Variants in ADGRG6 observed in about 807,000 individuals in gnomAD.
The protein encoded by ADGRG6 is G-protein coupled receptor 126.
ADGRG6 carries 84 observed loss-of-function variants against 142.4 expected under a neutral mutation model. The observed-to-expected ratio is 0.59, with a 90% CI of 0.49 to 0.71. The LOEUF is 0.71. Among genes scored for constraint, ADGRG6 ranks in the 30% least tolerant of loss-of-function variants. The probability of loss-of-function intolerance (pLI) is 0.00; values close to 1 mark genes in which losing one functional copy is unlikely to be tolerated. For synonymous variants in ADGRG6, 521 were observed against 520.5 expected (o/e 1.00, Z -0.01); for missense variants, 1,367 against 1,466.6 (o/e 0.93, Z 1.11).
chr6:142,318,049 A>ATATATATTTATATAT (rs1778237721), intron 2 of ADGRG6, among the ~76,000 whole-genome samples: 1 of 19,022 alleles, frequency 5.3e-5, no homozygotes, highest in South Asian at 1.7e-3. Context: ...TATTTATGTT[A>ATATATATTTATATAT]TATATATTTA....
At chr6:142,375,800 T>C (rs1781470689) in intron 4 of ADGRG6, among the ~76,000 whole-genome samples, 1 of 152,160 alleles carries the variant, frequency 6.6e-6, no homozygotes. Flanking sequence ...TAAATTTTAG[T>C]ACGAAAGTAA....
intron 7 of ADGRG6, among the ~76,000 whole-genome samples, chr6:142,391,648 C>T (rs1255491075): frequency 6.6e-6 from 1 of 151,668 alleles, no homozygotes; most frequent in Non-Finnish European, 1.5e-5. Flanking sequence ...AAAAATACTA[C>T]GTTTGATTTT....
At chr6:142,343,562 T>G (rs1779760410) in intron 2 of ADGRG6, among the ~76,000 whole-genome samples, 1 of 151,776 alleles carries the variant, frequency 6.6e-6, no homozygotes, top group African/African-American at 2.4e-5. Flanking sequence ...TACATTCAGG[T>G]TTTTCTTGAG....
At chr6:142,418,830 A>G (rs1019827921) in intron 21 of ADGRG6, among the ~76,000 whole-genome samples, 35 of 152,166 alleles carry the variant, frequency 2.3e-4, no homozygotes, top group African/African-American at 8.2e-4. Context: ...TAAATCATTT[A>G]TTCAATTTTT....
intron 2 of ADGRG6, among the ~76,000 whole-genome samples, chr6:142,332,492 C>CTTTTT (rs11314004): frequency 7.1e-6 from 1 of 141,706 alleles, no homozygotes; most frequent in African/African-American, 2.6e-5. Context: ...ATGTTTTTTG[C>CTTTTT]TTTTTTTTTT....
At chr6:142,317,090 C>G (rs895963793) in intron 2 of ADGRG6, among the ~76,000 whole-genome samples, 3 of 152,066 alleles carry the variant, frequency 2.0e-5, no homozygotes, top group African/African-American at 7.2e-5. Flanking sequence ...TGTGGTTTTT[C>G]TCTCAGAGCT....
chr6:142,390,583 C>T lies in ADGRG6; in HGVS notation c.1308+240C>T, dbSNP rs190062940. On this transcript the variant is annotated intron_variant, in intron 7 of 24. Transcript: ENST00000367609. Reference sequence around the variant, plus strand: ...TGTCTTAAATAAGAAAAGTATCGCACAAATGGAAATAGATTTTGGTGGCAA... The same window carrying T: ...TGTCTTAAATAAGAAAAGTATCGCATAAATGGAAATAGATTTTGGTGGCAA... Among the ~76,000 whole-genome samples the T allele has an allele frequency of 1.6e-4, 25 of 151,924 alleles. No homozygotes were observed. The East Asian group carries it at 3.7e-3, about 22-fold the overall frequency.
chr6:142,316,749 G>A (rs1052123165), intron 2 of ADGRG6, among the ~76,000 whole-genome samples: 2 of 152,040 alleles, frequency 1.3e-5, no homozygotes, highest in Admixed American at 6.6e-5. Flanking sequence ...GGCTGCAGTA[G>A]CAGTGCTATG....
At chr6:142,414,282 T>C (rs902888688) in intron 18 of ADGRG6, among the ~76,000 whole-genome samples, 2 of 152,136 alleles carry the variant, frequency 1.3e-5, no homozygotes, top group Non-Finnish European at 2.9e-5. Flanking sequence ...ATTAATACAC[T>C]GGAAAGTATT....
Position 142,356,691 on chromosome 6 carries a change from ATT to A in ADGRG6, c.104-10869_104-10868del, listed in dbSNP as rs11303813. The stretch of plus-strand genomic sequence containing the variant: ...TAGTAGAGCTTTAGAGCCAAAAGGG[ATT>A]TTTTTTTTCTTCAGATGTGGAAATC... On this transcript the variant is annotated intron_variant, in intron 2 of 24. Coordinates refer to ENST00000367609, the MANE Select transcript of ADGRG6 (RefSeq NM_198569.3). Among the ~76,000 whole-genome samples, 6 of 151,682 alleles carry A rather than the reference ATT, an allele frequency of 4.0e-5. No individual in the cohort carries two copies. In the East Asian group the frequency reaches 9.7e-4, roughly 25 times the overall value.
chr6:142,350,090 G>C (rs1263783937), intron 2 of ADGRG6, among the ~76,000 whole-genome samples: 1 of 152,176 alleles, frequency 6.6e-6, no homozygotes, highest in African/African-American at 2.4e-5. Context: ...TTTTAAAAAT[G>C]ATACACAGAA....
At chr6:142,408,111 A>G in intron 15 of ADGRG6, 39 bp from the exon 16 acceptor site, 4 of 1,485,224 alleles carry the variant, frequency 2.7e-6, no homozygotes, top group Non-Finnish European at 3.6e-6. Flanking sequence ...ATAAAAGTGT[A>G]CTTCTGACTG....
intron 2 of ADGRG6, among the ~76,000 whole-genome samples, chr6:142,365,403 A>T (rs1169737503): frequency 6.6e-6 from 1 of 152,208 alleles, no homozygotes; most frequent in East Asian, 1.9e-4. Flanking sequence ...TTTATTGAAG[A>T]TCTCCTATGT....
intron 21 of ADGRG6, 133 bp downstream of exon 21, chr6:142,417,502 C>T (rs1225963023): frequency 1.8e-5 from 11 of 606,090 alleles, no homozygotes; most frequent in South Asian, 1.8e-4. Context: ...AAAATCTCTG[C>T]TACACCACAG....
intron 22 of ADGRG6, among the ~76,000 whole-genome samples, chr6:142,427,887 A>G (rs1428176539): frequency 6.6e-6 from 1 of 152,146 alleles, no homozygotes; most frequent in African/African-American, 2.4e-5. Context: ...CAGCCCAGGA[A>G]AAACCTGCAC....
At chr6:142,406,518 T>C (rs994811907) in intron 15 of ADGRG6, among the ~76,000 whole-genome samples, 1 of 152,194 alleles carries the variant, frequency 6.6e-6, no homozygotes, top group African/African-American at 2.4e-5. Context: ...ATGTGACTTA[T>C]ATAAAATAGC....
chr6:142,342,140 A>G (rs1779688093), intron 2 of ADGRG6, among the ~76,000 whole-genome samples: 1 of 152,098 alleles, frequency 6.6e-6, no homozygotes, highest in East Asian at 1.9e-4. Flanking sequence ...TGGAGTGGAC[A>G]GCAAGCAAGG....
At chr6:142,434,907 T>C (rs549873198) in intron 22 of ADGRG6, among the ~76,000 whole-genome samples, 1 of 152,166 alleles carries the variant, frequency 6.6e-6, no homozygotes, top group East Asian at 1.9e-4. Context: ...GCTAATAATG[T>C]AATTTATTCT....
At chr6:142,310,438 C>G (rs961344297) in intron 2 of ADGRG6, among the ~76,000 whole-genome samples, 6 of 151,478 alleles carry the variant, frequency 4.0e-5, no homozygotes, top group African/African-American at 1.5e-4. Flanking sequence ...TAGAATAAAG[C>G]TAAAATGTCA....
Sources: allele counts gnomAD v4.1 joint callset (sites outside exome capture counted in the v4.1 genomes callset), GRCh38; gene constraint gnomAD v4.1.1; transcripts MANE v1.5; gene names NCBI Gene and HGNC (gene_info 2026-07-23, HGNC 2026-07-21).